The following CTDSPL variants were observed in gnomAD, a reference collection of about 807,000 sequenced individuals.
The protein encoded by CTDSPL is CTD small phosphatase like, also known as CTD small phosphatase-like protein.
A neutral mutation model predicts 30.5 loss-of-function variants in CTDSPL; 8 were observed. That is an observed-to-expected ratio of 0.26 (90% CI 0.15 to 0.47). The LOEUF (loss-of-function observed/expected upper bound fraction) is 0.47, where lower values mean the gene tolerates loss of function less well. CTDSPL is among the 20% of genes least tolerant of loss of function. The pLI is 0.99. For synonymous variants in CTDSPL, 110 were observed against 137.9 expected, an observed-to-expected ratio of 0.80 and a Z score of 1.42; for missense variants, 248 against 366.1, an observed-to-expected ratio of 0.68 and a Z score of 2.63.
rs1157661603 is a variant in CTDSPL at position 37,981,600 on chromosome 3, A to G, written c.*733A>G. The stretch of plus-strand genomic sequence containing the variant: ...AATTGTGTGGCTCAACACTTTAGGA[A>G]ACAATAGATTATTTTATATTATTAT... On this transcript the variant is annotated 3_prime_UTR_variant, in exon 8 of 8. Transcript: ENST00000273179. 3.2e-6 allele frequency: 1 copy of G among 309,568 alleles called. No homozygotes were observed. Among genetic ancestry groups the G allele is most frequent in the Non-Finnish European group, 6.4e-6 (1 of 155,550 alleles). 19.2% of individuals were successfully genotyped at this position (309,568 alleles called of 1,614,324 possible).
At chr3:37,892,237 A>G (rs111390067) in intron 1 of CTDSPL, among the ~76,000 whole-genome samples, 1 of 152,322 alleles carries the variant, frequency 6.6e-6, no homozygotes, top group African/African-American at 2.4e-5. Context: ...CAAGTTATTT[A>G]AACTCTCTGT....
At chr3:37,977,107 A>G (rs1053358886) in intron 7 of CTDSPL, among the ~76,000 whole-genome samples, 6 of 152,260 alleles carry the variant, frequency 3.9e-5, no homozygotes, top group South Asian at 2.1e-4. Flanking sequence ...ATGTATTTCT[A>G]TGTAAATGTG....
intron 3 of CTDSPL, among the ~76,000 whole-genome samples, chr3:37,960,527 T>TAC (rs1331368484): frequency 1.4e-4 from 9 of 63,630 alleles, no homozygotes; most frequent in Admixed American, 2.3e-4. Flanking sequence ...TATATATATA[T>TAC]ATATATATAC....
intron 1 of CTDSPL, among the ~76,000 whole-genome samples, chr3:37,944,204 A>C (rs1699010590): frequency 6.6e-6 from 1 of 150,514 alleles, no homozygotes; most frequent in South Asian, 2.1e-4. Context: ...AAAATGTGGA[A>C]GAAATGTAAA....
intron 1 of CTDSPL, among the ~76,000 whole-genome samples, chr3:37,875,843 A>G (rs1284539511): frequency 6.6e-6 from 1 of 152,228 alleles, no homozygotes; most frequent in East Asian, 1.9e-4. Context: ...AGTTGCTATT[A>G]ATTCTAATGT....
At chr3:37,902,573 C>G (rs191510655) in intron 1 of CTDSPL, among the ~76,000 whole-genome samples, 1 of 152,290 alleles carries the variant, frequency 6.6e-6, no homozygotes, top group East Asian at 1.9e-4. Context: ...CTAGGGATTC[C>G]TCCAGATGTG....
rs559218292 is a variant in CTDSPL, at chr3:37,922,000, G to A, written c.80-25057G>A. Among the ~76,000 whole-genome samples, 8 of 152,270 alleles carry A rather than the reference G, an allele frequency of 5.3e-5. No individual in the cohort carries two copies. In the East Asian group the frequency reaches 1.2e-3, roughly 22 times the overall value. On this transcript the variant is annotated intron_variant, in intron 1 of 7. Coordinates refer to ENST00000273179, the MANE Select transcript of CTDSPL (RefSeq NM_001008392.2). Reference sequence around the variant, plus strand: ...TCTCATCCCAGCACTTTGGGAGGCCGAGGCAGACAGATCACGAGGTCAGGA... The same window carrying A: ...TCTCATCCCAGCACTTTGGGAGGCCAAGGCAGACAGATCACGAGGTCAGGA...
intron 1 of CTDSPL, among the ~76,000 whole-genome samples, chr3:37,872,304 C>T (rs966367882): frequency 7.2e-5 from 11 of 152,140 alleles, no homozygotes; most frequent in African/African-American, 2.6e-4. Flanking sequence ...CTCTGTCATC[C>T]TGGTGTTGGG....
intron 1 of CTDSPL, among the ~76,000 whole-genome samples, chr3:37,907,074 C>T (rs1056677842): frequency 5.9e-5 from 9 of 152,244 alleles, no homozygotes; most frequent in African/African-American, 2.2e-4. Context: ...AAAACCCCCA[C>T]TTCCTTTTGT....
intron 1 of CTDSPL, among the ~76,000 whole-genome samples, chr3:37,914,493 T>C (rs1263572496): frequency 1.3e-5 from 2 of 152,226 alleles, no homozygotes; most frequent in East Asian, 3.8e-4. Flanking sequence ...ATATCAGATT[T>C]AGGAAGGTCC....
intron 1 of CTDSPL, among the ~76,000 whole-genome samples, chr3:37,937,918 T>C (rs1698933866): frequency 6.6e-6 from 1 of 150,464 alleles, no homozygotes; most frequent in African/African-American, 2.4e-5. Flanking sequence ...TCTGAAAATT[T>C]TATCATGCTG....
chr3:37,895,703 T>G (rs1001975506), intron 1 of CTDSPL, among the ~76,000 whole-genome samples: 1 of 152,228 alleles, frequency 6.6e-6, no homozygotes, highest in East Asian at 1.9e-4. Context: ...TTTATAGTTT[T>G]CTCCAGGAGA....
At chr3:37,865,309 G>T (rs564720055) in intron 1 of CTDSPL, among the ~76,000 whole-genome samples, 1 of 152,216 alleles carries the variant, frequency 6.6e-6, no homozygotes, top group Non-Finnish European at 1.5e-5. Context: ...GTGGACAAGA[G>T]TTAGGAACAA....
intron 1 of CTDSPL, among the ~76,000 whole-genome samples, chr3:37,922,030 G>A (rs955328237): frequency 2.0e-5 from 3 of 152,078 alleles, no homozygotes; most frequent in Non-Finnish European, 1.5e-5. Context: ...TCAGGAGTTC[G>A]AGACCAGCCT....
intron 1 of CTDSPL, among the ~76,000 whole-genome samples, chr3:37,892,118 T>G (rs1171345718): frequency 6.6e-6 from 1 of 152,200 alleles, no homozygotes; most frequent in Non-Finnish European, 1.5e-5. Flanking sequence ...TGATGAACAC[T>G]TAGGTTCCCC....
intron 1 of CTDSPL, chr3:37,911,951 A>G: frequency 3.9e-6 from 1 of 256,936 alleles, no homozygotes; most frequent in South Asian, 3.8e-5. Flanking sequence ...AGTCCCAGCT[A>G]CTCGGGAGGC....
chr3:37,948,836 C>T (rs1284759499), intron 2 of CTDSPL, among the ~76,000 whole-genome samples: 1 of 82,642 alleles, frequency 1.2e-5, no homozygotes, highest in Admixed American at 1.6e-4. Flanking sequence ...TTTTTTGAGA[C>T]GGAGTCTCGC....
At chr3:37,979,758 TCACA>T (rs139766577) in intron 7 of CTDSPL, among the ~76,000 whole-genome samples, 16 of 151,806 alleles carry the variant, frequency 1.1e-4, no homozygotes, top group South Asian at 2.1e-4. Context: ...TGACGCTGTG[TCACA>T]CACACACACA....
At chr3:37,936,425 C>T (rs1387584126) in intron 1 of CTDSPL, among the ~76,000 whole-genome samples, 4 of 152,004 alleles carry the variant, frequency 2.6e-5, no homozygotes, top group Admixed American at 1.3e-4. Flanking sequence ...CCACTCCCAA[C>T]ACTCCCCCTT....
Sources: gnomAD v4.1 joint callset for allele counts (sites outside exome capture counted in the v4.1 genomes callset) on GRCh38, gnomAD v4.1.1 for gene constraint, MANE v1.5 for transcripts, NCBI Gene and HGNC (gene_info 2026-07-23, HGNC 2026-07-21) for gene names.